Variants in ERBB4 observed in about 807,000 individuals in gnomAD.
The protein encoded by ERBB4 is receptor tyrosine-protein kinase erbB-4.
Under a neutral mutation model 158.0 loss-of-function variants are expected in ERBB4, and 42 were observed. That is an observed-to-expected ratio of 0.27 (90% CI 0.21 to 0.34). The LOEUF (loss-of-function observed/expected upper bound fraction) is 0.34, where lower values mean the gene tolerates loss of function less well. ERBB4 is among the 10% of genes least tolerant of loss of function. The pLI is 1.00. For missense variants in ERBB4, 1,333 were observed against 1,624.1 expected, an observed-to-expected ratio of 0.82 and a Z score of 3.08; for synonymous variants, 583 against 558.7, an observed-to-expected ratio of 1.04 and a Z score of -0.61.
At chr2:212,309,882 T>A (rs2086963068) in intron 1 of ERBB4, among the ~76,000 whole-genome samples, 1 of 150,592 alleles carries the variant, frequency 6.6e-6, no homozygotes, top group Non-Finnish European at 1.5e-5. Context: ...TCAGGAGATG[T>A]TATCATCCTA....
chr2:212,061,586 T>C (rs1360843794), intron 2 of ERBB4, among the ~76,000 whole-genome samples: 5 of 151,484 alleles, frequency 3.3e-5, no homozygotes, highest in African/African-American at 1.2e-4. Flanking sequence ...ATAACAGTCA[T>C]TAAAATTTGT....
intron 1 of ERBB4, among the ~76,000 whole-genome samples, chr2:212,393,468 C>T (rs1228571133): frequency 6.6e-6 from 1 of 151,898 alleles, no homozygotes; most frequent in South Asian, 2.1e-4. Context: ...AATAATATAT[C>T]ATTACTTAAC....
chr2:212,231,649 G>A (rs1325724075), intron 1 of ERBB4, among the ~76,000 whole-genome samples: 1 of 152,154 alleles, frequency 6.6e-6, no homozygotes, highest in African/African-American at 2.4e-5. Flanking sequence ...TAAACAGTCA[G>A]GTCTGATAGA....
chr2:211,632,686 C>T lies in ERBB4; in HGVS notation c.1947-2092G>A, dbSNP rs1574894667. On this transcript the variant is annotated intron_variant, in intron 16 of 27. Transcript: ENST00000342788. ...TCCAGGAGAAGAAACTAATACCTCTCTTTTTTCTTATTTTGGTGGAGATTG... is the reference window on the plus strand; with the variant it reads ...TCCAGGAGAAGAAACTAATACCTCTTTTTTTTCTTATTTTGGTGGAGATTG... 4.6e-5 allele frequency among the ~76,000 whole-genome samples: 7 copies of T among 152,090 alleles called. No individual in the cohort carries two copies. The South Asian group carries it at 1.5e-3, about 32-fold the overall frequency.
At chr2:211,813,001 G>C (rs575223547) in intron 3 of ERBB4, among the ~76,000 whole-genome samples, 3 of 152,292 alleles carry the variant, frequency 2.0e-5, no homozygotes, top group African/African-American at 4.8e-5. Context: ...TGCACTTCCC[G>C]GGTGAGGTGA....
In ERBB4 at chr2:211,998,529, C is replaced by CA. The variant is rs36008694; in HGVS notation, c.235-50914dup. On this transcript the variant is annotated intron_variant, in intron 2 of 27. Coordinates refer to ENST00000342788, the MANE Select transcript of ERBB4 (RefSeq NM_005235.3). ...AAATAAACTACTTAACTCATACTGC[C>CA]AAAAAAAAAAAAAAAAAAGAAATAA... is the stretch of plus-strand genomic sequence containing the variant. Among the ~76,000 whole-genome samples the CA allele has an allele frequency of 8.8e-3, 1,019 of 116,238 alleles. 9 individuals are homozygous for CA. Among genetic ancestry groups the CA allele is most frequent in the African/African-American group, 0.029 (890 of 30,782 alleles). 76.3% of individuals were successfully genotyped at this position (116,238 alleles called of 152,430 possible). A position where few individuals can be genotyped will look rare whatever the true frequency, so the allele number is the denominator to read the frequency against.
At chr2:211,675,074 C>G (rs2072005388) in intron 13 of ERBB4, among the ~76,000 whole-genome samples, 2 of 152,098 alleles carry the variant, frequency 1.3e-5, no homozygotes, top group African/African-American at 2.4e-5. Flanking sequence ...CTTCTTCTGC[C>G]CTTTATTGTG....
At chr2:211,477,885 A>T (rs80208308) in intron 20 of ERBB4, among the ~76,000 whole-genome samples, 5,753 of 152,280 alleles carry the variant, frequency 0.038, 339 homozygotes, top group African/African-American at 0.13. Context: ...ACAACTAGGT[A>T]ACTTTTTGCA....
chr2:212,380,664 G>T (rs1243260465), intron 1 of ERBB4, among the ~76,000 whole-genome samples: 1 of 150,420 alleles, frequency 6.6e-6, no homozygotes, highest in Non-Finnish European at 1.5e-5. Flanking sequence ...AATGTATTAA[G>T]AGTATTTATG....
intron 1 of ERBB4, among the ~76,000 whole-genome samples, chr2:212,292,422 G>T (rs2086239659): frequency 6.6e-6 from 1 of 151,934 alleles, no homozygotes; most frequent in South Asian, 2.1e-4. Flanking sequence ...ATCTCTGAAT[G>T]CTCCACTTCT....
At chr2:211,500,358 A>G (rs1369202423) in intron 20 of ERBB4, among the ~76,000 whole-genome samples, 1 of 152,088 alleles carries the variant, frequency 6.6e-6, no homozygotes, top group Non-Finnish European at 1.5e-5. Context: ...AGCTCTAGGT[A>G]ATAGTCTGAA....
At chr2:211,626,604 T>A (rs903795206) in intron 17 of ERBB4, among the ~76,000 whole-genome samples, 1 of 152,130 alleles carries the variant, frequency 6.6e-6, no homozygotes, top group South Asian at 2.1e-4. Flanking sequence ...AAGAATAATT[T>A]TCTATAAAAA....
At chr2:212,369,235 C>A (rs1349056090) in intron 1 of ERBB4, among the ~76,000 whole-genome samples, 3 of 152,118 alleles carry the variant, frequency 2.0e-5, no homozygotes, top group Non-Finnish European at 4.4e-5. Context: ...AATAGGCTAA[C>A]ATTTCTGTAT....
intron 1 of ERBB4, among the ~76,000 whole-genome samples, chr2:212,416,031 C>G (rs934072054): frequency 1.3e-5 from 2 of 152,130 alleles, no homozygotes; most frequent in African/African-American, 4.8e-5. Context: ...CTCTTCTTAA[C>G]ACAGGGGCCT....
At chr2:211,926,115 T>A (rs1034653175) in intron 3 of ERBB4, among the ~76,000 whole-genome samples, 1 of 152,160 alleles carries the variant, frequency 6.6e-6, no homozygotes, top group Non-Finnish European at 1.5e-5. Flanking sequence ...CGGAGCCACG[T>A]TAAGCGCCAG....
intron 1 of ERBB4, among the ~76,000 whole-genome samples, chr2:212,495,755 T>C (rs1227671638): frequency 2.6e-5 from 4 of 152,306 alleles, no homozygotes; most frequent in East Asian, 1.9e-4. Flanking sequence ...TTAAATTACA[T>C]AGACGAATGT....
At chr2:212,053,638 T>G (rs2077466929) in intron 2 of ERBB4, among the ~76,000 whole-genome samples, 1 of 152,200 alleles carries the variant, frequency 6.6e-6, no homozygotes, top group African/African-American at 2.4e-5. Flanking sequence ...AACAGACTCC[T>G]TAAAGTGGTT....
chr2:211,498,711 C>T (rs1335165673), intron 20 of ERBB4, among the ~76,000 whole-genome samples: 1 of 152,068 alleles, frequency 6.6e-6, no homozygotes, highest in East Asian at 1.9e-4. Flanking sequence ...GGGGTCATTC[C>T]TACAATAATC....
chr2:211,870,995 C>A (rs1280526822), intron 3 of ERBB4, among the ~76,000 whole-genome samples: 1 of 152,156 alleles, frequency 6.6e-6, no homozygotes, highest in Non-Finnish European at 1.5e-5. Context: ...TTCTAAAAGT[C>A]AAGCTTAGTG....
Sources: allele counts gnomAD v4.1 joint callset (sites outside exome capture counted in the v4.1 genomes callset), GRCh38; gene constraint gnomAD v4.1.1; transcripts MANE v1.5; gene names NCBI Gene and HGNC (gene_info 2026-07-23, HGNC 2026-07-21).